CNTNAP2: variants seen among roughly 807,000 people sequenced by gnomAD.
CNTNAP2 encodes contactin associated protein 2, also known as contactin-associated protein-like 2.
CNTNAP2 carries 98 observed loss-of-function variants against 155.2 expected under a neutral mutation model. The observed-to-expected ratio is 0.63, with a 90% CI of 0.54 to 0.75. The LOEUF is 0.75. Ranked by LOEUF, CNTNAP2 falls within the 30% of genes least tolerant of loss-of-function variation. The pLI, the probability that CNTNAP2 is intolerant of heterozygous loss-of-function variation, is 0.00. For synonymous variants in CNTNAP2, 651 were observed against 631.2 expected (o/e 1.03, Z -0.47); for missense variants, 1,727 against 1,688.1 (o/e 1.02, Z -0.40).
At chr7:148,156,358 T>C (rs991754111) in intron 17 of CNTNAP2, among the ~76,000 whole-genome samples, 1 of 152,170 alleles carries the variant, frequency 6.6e-6, no homozygotes, top group African/African-American at 2.4e-5. Context: ...CTCAGCAGCA[T>C]GTCTCCTGCG....
intron 3 of CNTNAP2, among the ~76,000 whole-genome samples, chr7:146,872,656 A>T (rs916448528): frequency 6.6e-6 from 1 of 152,216 alleles, no homozygotes; most frequent in Admixed American, 6.5e-5. Context: ...GCATCAATGC[A>T]TCCCAAACAT....
intron 12 of CNTNAP2, among the ~76,000 whole-genome samples, chr7:147,600,656 T>C (rs1352496491): frequency 6.6e-6 from 1 of 152,208 alleles, no homozygotes; most frequent in African/African-American, 2.4e-5. Flanking sequence ...TTGTTGGTTG[T>C]CTGCCTTTGC....
chr7:147,024,763 C>T (rs764627292), intron 3 of CNTNAP2, among the ~76,000 whole-genome samples: 1 of 152,056 alleles, frequency 6.6e-6, no homozygotes, highest in Non-Finnish European at 1.5e-5. Context: ...CAATTGGAAA[C>T]TCCCTCCTCA....
chr7:147,522,074 T>C (rs1442879103), intron 11 of CNTNAP2, among the ~76,000 whole-genome samples: 1 of 152,190 alleles, frequency 6.6e-6, no homozygotes, highest in African/African-American at 2.4e-5. Context: ...TAGATGGCAC[T>C]CTCTCACAAG....
chr7:146,275,666 C>T (rs1309871782), intron 1 of CNTNAP2, among the ~76,000 whole-genome samples: 5 of 152,136 alleles, frequency 3.3e-5, no homozygotes, highest in South Asian at 2.1e-4. Context: ...AGATGCTACA[C>T]GTTGGTTTAC....
chr7:146,784,155 T>C (rs1005529963), intron 2 of CNTNAP2, among the ~76,000 whole-genome samples: 1 of 152,202 alleles, frequency 6.6e-6, no homozygotes, highest in Non-Finnish European at 1.5e-5. Context: ...AAGAATTTTT[T>C]AGTTAATTAT....
intron 3 of CNTNAP2, among the ~76,000 whole-genome samples, chr7:146,991,968 T>C (rs1798216292): frequency 6.6e-6 from 1 of 152,122 alleles, no homozygotes; most frequent in South Asian, 2.1e-4. Context: ...TATTTGTCCC[T>C]TTACTCACTC....
chr7:147,633,209 G>C lies in CNTNAP2; in HGVS notation c.1898-5897G>C, dbSNP rs546510929. Among the ~76,000 whole-genome samples the C allele has an allele frequency of 2.6e-5, 4 of 152,340 alleles. No homozygotes were observed. The East Asian group carries it at 7.7e-4, about 29-fold the overall frequency. The stretch of plus-strand genomic sequence containing the variant: ...GAACAGCTCAAGCCATTGCTTCAGA[G>C]GATGCAAGCCCCAATCCATGGTGAC... On this transcript the variant is annotated intron_variant, in intron 12 of 23. Coordinates refer to ENST00000361727, the MANE Select transcript of CNTNAP2 (RefSeq NM_014141.6).
chr7:146,457,954 G>C (rs908679817), intron 1 of CNTNAP2, among the ~76,000 whole-genome samples: 1 of 152,036 alleles, frequency 6.6e-6, no homozygotes, highest in Non-Finnish European at 1.5e-5. Flanking sequence ...ACACTTGTTT[G>C]AAGGCTACTT....
intron 14 of CNTNAP2, among the ~76,000 whole-genome samples, chr7:147,974,028 T>C (rs949534831): frequency 1.3e-5 from 2 of 152,152 alleles, no homozygotes; most frequent in Non-Finnish European, 2.9e-5. Flanking sequence ...GTTAATCAGT[T>C]TTTCTTGCAA....
intron 3 of CNTNAP2, among the ~76,000 whole-genome samples, chr7:146,867,082 A>T (rs1283526191): frequency 6.6e-6 from 1 of 152,074 alleles, no homozygotes; most frequent in Non-Finnish European, 1.5e-5. Context: ...AACACGTGTC[A>T]CAGGGGTTTG....
At chr7:146,400,925 C>T (rs1216140718) in intron 1 of CNTNAP2, among the ~76,000 whole-genome samples, 2 of 152,164 alleles carry the variant, frequency 1.3e-5, no homozygotes, top group African/African-American at 4.8e-5. Context: ...TTATTAAAAA[C>T]TGAGAATCTT....
chr7:146,712,115 CA>C (rs1563198993), intron 1 of CNTNAP2, among the ~76,000 whole-genome samples: 15 of 115,008 alleles, frequency 1.3e-4, no homozygotes, highest in African/African-American at 4.4e-4. Flanking sequence ...CTTATGTATA[CA>C]TATATGTATA....
chr7:146,937,469 T>G (rs908930379), intron 3 of CNTNAP2, among the ~76,000 whole-genome samples: 3 of 152,204 alleles, frequency 2.0e-5, no homozygotes, highest in African/African-American at 7.2e-5. Flanking sequence ...TCACTAGAGT[T>G]AACTCCAGGA....
chr7:147,004,373 A>T (rs549761260), intron 3 of CNTNAP2, among the ~76,000 whole-genome samples: 1 of 151,996 alleles, frequency 6.6e-6, no homozygotes, highest in South Asian at 2.1e-4. Flanking sequence ...AATAAACCAG[A>T]AAATAATTGA....
rs555344512 is a variant in CNTNAP2, at chr7:146,808,303, A to G, written c.209-31408A>G. Among the ~76,000 whole-genome samples the G allele has an allele frequency of 2.0e-3, 308 of 152,364 alleles. 11 individuals carry two copies. In the South Asian group the frequency reaches 0.062, roughly 30 times the overall value. ...ATATTTGTAATTTATATTTCATGCA[A>G]TATAACAAGATGCTGTGCATTGATT... On this transcript the variant is annotated intron_variant, in intron 2 of 23. Coordinates refer to ENST00000361727, the MANE Select transcript of CNTNAP2 (RefSeq NM_014141.6).
intron 19 of CNTNAP2, among the ~76,000 whole-genome samples, chr7:148,228,605 CG>C (rs1439856742): frequency 2.0e-5 from 3 of 151,990 alleles, no homozygotes; most frequent in Non-Finnish European, 4.4e-5. Flanking sequence ...TGGCAGATGA[CG>C]AGGTCCGGAG....
At chr7:147,889,931 G>C (rs1391210434) in intron 13 of CNTNAP2, among the ~76,000 whole-genome samples, 2 of 152,100 alleles carry the variant, frequency 1.3e-5, no homozygotes, top group Non-Finnish European at 1.5e-5. Context: ...ATTGACCACA[G>C]ACTCGATTCT....
chr7:148,184,480 C>A (rs956270829), intron 18 of CNTNAP2, among the ~76,000 whole-genome samples: 2 of 152,202 alleles, frequency 1.3e-5, no homozygotes, highest in African/African-American at 4.8e-5. Context: ...TAGCCAATCT[C>A]ACTTTCTGTG....
Sources: allele counts gnomAD v4.1 joint callset (sites outside exome capture counted in the v4.1 genomes callset), GRCh38; gene constraint gnomAD v4.1.1; transcripts MANE v1.5; gene names NCBI Gene and HGNC (gene_info 2026-07-23, HGNC 2026-07-21).